Variants in SNTG1 observed in about 807,000 individuals in gnomAD.
SNTG1 encodes gamma-1-syntrophin.
In SNTG1, 39 loss-of-function variants were observed where a neutral mutation model predicts 74.7. The observed-to-expected ratio is 0.52, with a 90% CI of 0.40 to 0.68. The LOEUF is 0.68. Ranked by LOEUF, SNTG1 falls within the 30% of genes least tolerant of loss-of-function variation. The pLI is 0.00. For synonymous variants in SNTG1, 254 were observed against 217.1 expected (o/e 1.17, Z -1.49); for missense variants, 685 against 609.5 (o/e 1.12, Z -1.30).
At chr8:49,994,253 C>A (rs533342381) in intron 1 of SNTG1, among the ~76,000 whole-genome samples, 2 of 122,370 alleles carry the variant, frequency 1.6e-5, no homozygotes, top group Non-Finnish European at 3.3e-5. Context: ...TATTTTTATT[C>A]TTCTTTTTTT....
At chr8:50,653,871 A>G (rs1383427960) in intron 13 of SNTG1, among the ~76,000 whole-genome samples, 2 of 152,098 alleles carry the variant, frequency 1.3e-5, no homozygotes, top group African/African-American at 2.4e-5. Context: ...ATAAAGTTAA[A>G]GTTTTCCAGA....
At chr8:50,495,463 CTTTT>C (rs66691982) in intron 8 of SNTG1, among the ~76,000 whole-genome samples, 2 of 130,052 alleles carry the variant, frequency 1.5e-5, no homozygotes, top group Admixed American at 7.8e-5. Flanking sequence ...ATGTCAAATT[CTTTT>C]TTTTTTTTTT....
chr8:50,234,986 G>A (rs1217368523), intron 2 of SNTG1, among the ~76,000 whole-genome samples: 1 of 152,084 alleles, frequency 6.6e-6, no homozygotes, highest in Admixed American at 6.5e-5. Flanking sequence ...AGATGCAGGT[G>A]CATTTGGAAA....
chr8:50,415,180 C>A lies in SNTG1; in HGVS notation c.162+12836C>A, dbSNP rs1348794597. ...ATGTTGTTTAAATGCAAAGGAGTTT[C>A]ATTATTATTGCTTTAAACCAAGGAG... On this transcript the variant is annotated intron_variant, in intron 4 of 18. Coordinates refer to ENST00000642720, the MANE Select transcript of SNTG1 (RefSeq NM_018967.5). Among the ~76,000 whole-genome samples the A allele has an allele frequency of 1.3e-5, 2 of 152,088 alleles. 1 individual carries two copies. The highest frequency in any genetic ancestry group is 1.3e-4 in the Admixed American group (2 of 15,258).
At chr8:50,640,815 A>G (rs1322640436) in intron 13 of SNTG1, among the ~76,000 whole-genome samples, 1 of 152,154 alleles carries the variant, frequency 6.6e-6, no homozygotes, top group East Asian at 1.9e-4. Flanking sequence ...CAATGTGAAC[A>G]TAATTTAAAT....
intron 18 of SNTG1, among the ~76,000 whole-genome samples, chr8:50,781,662 T>G (rs1585782182): frequency 6.6e-6 from 1 of 152,358 alleles, no homozygotes; most frequent in East Asian, 1.9e-4. Context: ...TTATCCAATT[T>G]GCCAGTCTGT....
At chr8:50,568,842 C>CT (rs1296788513) in intron 12 of SNTG1, 1 of 152,146 alleles carries the variant, frequency 6.6e-6, no homozygotes, top group East Asian at 1.9e-4. Flanking sequence ...ATCGCTCCAT[C>CT]TTCTATCTAT....
At chr8:50,303,168 A>T (rs1394764077) in intron 2 of SNTG1, among the ~76,000 whole-genome samples, 1 of 152,114 alleles carries the variant, frequency 6.6e-6, no homozygotes, top group Non-Finnish European at 1.5e-5. Context: ...TAAGACGAGG[A>T]CTTTTTTCAC....
intron 2 of SNTG1, among the ~76,000 whole-genome samples, chr8:50,310,165 G>C (rs4242459): frequency 0.92 from 139,857 of 152,208 alleles, 65,410 homozygotes; most frequent in East Asian, 1. Context: ...TTACCTACTC[G>C]AACCATGTGG....
At chr8:50,694,539 A>G (rs1047997502) in intron 15 of SNTG1, among the ~76,000 whole-genome samples, 1 of 152,088 alleles carries the variant, frequency 6.6e-6, no homozygotes, top group Admixed American at 6.5e-5. Context: ...TTTTCTACCA[A>G]TTACTCCAAA....
intron 4 of SNTG1, among the ~76,000 whole-genome samples, chr8:50,413,945 A>G (rs1355121024): frequency 6.6e-6 from 1 of 152,184 alleles, no homozygotes; most frequent in Non-Finnish European, 1.5e-5. Flanking sequence ...ATAGTATTTT[A>G]CATCACGATT....
intron 2 of SNTG1, among the ~76,000 whole-genome samples, chr8:50,235,237 T>A (rs924819921): frequency 6.6e-6 from 1 of 152,058 alleles, no homozygotes; most frequent in Non-Finnish European, 1.5e-5. Flanking sequence ...ATGTGGAATA[T>A]GTGTATAGTG....
At chr8:50,508,631 A>G (rs1177244446) in intron 9 of SNTG1, among the ~76,000 whole-genome samples, 1 of 152,144 alleles carries the variant, frequency 6.6e-6, no homozygotes, top group Non-Finnish European at 1.5e-5. Flanking sequence ...GTGAGATGGT[A>G]TCTCATTGTG....
At chr8:50,449,581 A>T (rs1472333951) in intron 5 of SNTG1, 87 bp from the exon 6 acceptor site, 23 of 967,702 alleles carry the variant, frequency 2.4e-5, no homozygotes, top group Non-Finnish European at 3.3e-5. Flanking sequence ...TCCACTTAAC[A>T]TTCCCTTCAG....
chr8:50,319,059 G>GAT (rs1445081493), intron 2 of SNTG1, among the ~76,000 whole-genome samples: 2 of 151,804 alleles, frequency 1.3e-5, no homozygotes, highest in Non-Finnish European at 2.9e-5. Flanking sequence ...TATGTATACA[G>GAT]ATATATATAC....
chr8:50,596,987 T>C (rs910121389), intron 13 of SNTG1, among the ~76,000 whole-genome samples: 5 of 151,992 alleles, frequency 3.3e-5, no homozygotes, highest in Non-Finnish European at 7.4e-5. Context: ...GTTACCCTAC[T>C]GTGTAATAGA....
At chr8:50,685,373 A>G (rs2095348191) in intron 15 of SNTG1, among the ~76,000 whole-genome samples, 1 of 152,164 alleles carries the variant, frequency 6.6e-6, no homozygotes, top group Admixed American at 6.6e-5. Context: ...TATCTACCTT[A>G]TATAAGCCCC....
intron 1 of SNTG1, among the ~76,000 whole-genome samples, chr8:50,117,330 A>G (rs1168377428): frequency 6.6e-6 from 1 of 152,140 alleles, no homozygotes; most frequent in East Asian, 1.9e-4. Flanking sequence ...CAAAAAATAA[A>G]CAGGCTATGC....
intron 8 of SNTG1, among the ~76,000 whole-genome samples, chr8:50,488,990 A>G (rs982706614): frequency 7.0e-4 from 107 of 151,840 alleles, no homozygotes; most frequent in Middle Eastern, 3.4e-3. Flanking sequence ...CTGTGTTCTC[A>G]TTGTTCAACT....
Sources: gnomAD v4.1 joint callset for allele counts (sites outside exome capture counted in the v4.1 genomes callset) on GRCh38, gnomAD v4.1.1 for gene constraint, MANE v1.5 for transcripts, NCBI Gene and HGNC (gene_info 2026-07-23, HGNC 2026-07-21) for gene names.